Variants in PARD3 observed in about 807,000 individuals in gnomAD.
PARD3 encodes par-3 family cell polarity regulator.
Under a neutral mutation model 155.4 loss-of-function variants are expected in PARD3, and 75 were observed. The ratio of observed to expected loss-of-function variants is 0.48; its 90% CI spans 0.40 to 0.58. The LOEUF (loss-of-function observed/expected upper bound fraction) is 0.58. Ranked by LOEUF, PARD3 falls within the 20% of genes least tolerant of loss-of-function variation. PARD3 has a pLI of 0.00. For synonymous variants in PARD3, 576 were observed against 610.5 expected (o/e 0.94, Z 0.83); for missense variants, 1,642 against 1,721.7 (o/e 0.95, Z 0.82).
intron 2 of PARD3, among the ~76,000 whole-genome samples, chr10:34,521,317 T>C (rs1054903961): frequency 2.2e-5 from 3 of 136,640 alleles, no homozygotes; most frequent in Non-Finnish European, 3.1e-5. Context: ...GGGAAAGATA[T>C]ATAATTTTAG....
At chr10:34,501,229 T>G (rs991825971) in intron 3 of PARD3, among the ~76,000 whole-genome samples, 2 of 152,172 alleles carry the variant, frequency 1.3e-5, no homozygotes, top group African/African-American at 4.8e-5. Flanking sequence ...GTCTGAATCC[T>G]GGGGACGATT....
chr10:34,695,798 C>T (rs573160256), intron 2 of PARD3, among the ~76,000 whole-genome samples: 1 of 151,524 alleles, frequency 6.6e-6, no homozygotes, highest in South Asian at 2.1e-4. Context: ...AATGGCCCAT[C>T]GCACAGCAAG....
chr10:34,427,427 T>C (rs549439432), intron 5 of PARD3, among the ~76,000 whole-genome samples: 16 of 152,208 alleles, frequency 1.1e-4, no homozygotes, highest in Non-Finnish European at 2.1e-4. Context: ...CTAGGCTTGC[T>C]AGGATTAGGA....
At chr10:34,561,160 G>A (rs2085438075) in intron 2 of PARD3, among the ~76,000 whole-genome samples, 1 of 152,142 alleles carries the variant, frequency 6.6e-6, no homozygotes, top group African/African-American at 2.4e-5. Context: ...CTAATCTTGA[G>A]GGGTGTGAGG....
At chr10:34,488,701 C>A in intron 3 of PARD3, 1 of 153,774 alleles carries the variant, frequency 6.5e-6, no homozygotes, top group South Asian at 2.0e-4. Context: ...GGGCTGTGGC[C>A]ATGCACTTTG....
chr10:34,279,446 T>G (rs1038206241), intron 21 of PARD3, among the ~76,000 whole-genome samples: 4 of 152,142 alleles, frequency 2.6e-5, no homozygotes, highest in African/African-American at 7.2e-5. Flanking sequence ...TAGAATTGAC[T>G]TTTCTAAAGG....
chr10:34,740,953 C>T (rs75571008), intron 1 of PARD3, among the ~76,000 whole-genome samples: 2,698 of 152,036 alleles, frequency 0.018, 89 homozygotes, highest in African/African-American at 0.061. Flanking sequence ...ATAACTAACT[C>T]GAGTTCAACT....
intron 24 of PARD3, among the ~76,000 whole-genome samples, chr10:34,114,615 G>T (rs927591273): frequency 6.6e-6 from 1 of 152,184 alleles, no homozygotes. Context: ...ATAGTCCTGG[G>T]ATTACAGGCA....
In PARD3 at chr10:34,340,560, G is replaced by T. The variant is rs527902454; in HGVS notation, c.2408+1067C>A. 8.8e-4 allele frequency among the ~76,000 whole-genome samples: 134 copies of T among 152,232 alleles called. 3 individuals are homozygous for T. The highest frequency in any genetic ancestry group is 3.7e-3 in the South Asian group (18 of 4,822). On this transcript the variant is annotated intron_variant, in intron 16 of 24. Coordinates refer to ENST00000374788, the MANE Select transcript of PARD3 (RefSeq NM_001184785.2). ...GAATTTAAAAAGAAAGAAATGAAAA[G>T]CTAGAGATGAACTTTTCAAGGTCCC... is the stretch of plus-strand genomic sequence containing the variant.
rs549234413 is a variant in PARD3, at chr10:34,545,314, G to A, written c.223-28155C>T. Among the ~76,000 whole-genome samples, 3 of 152,266 alleles carry A rather than the reference G, an allele frequency of 2.0e-5. No individual in the cohort carries two copies. In the South Asian group the frequency reaches 6.2e-4, roughly 32 times the overall value. Reference sequence around the variant, plus strand: ...CTAAAGAGCAAGGTCAGATGGTTAAGAACTTAACAGATAACCTGGGAGTAG... The same window carrying A: ...CTAAAGAGCAAGGTCAGATGGTTAAAAACTTAACAGATAACCTGGGAGTAG... On this transcript the variant is annotated intron_variant, in intron 2 of 24. Transcript: ENST00000374788.
At chr10:34,753,860 C>T (rs540610952) in intron 1 of PARD3, among the ~76,000 whole-genome samples, 1 of 152,158 alleles carries the variant, frequency 6.6e-6, no homozygotes, top group African/African-American at 2.4e-5. Context: ...AGGGAAAGGA[C>T]AAGGGAGAAC....
chr10:34,616,985 G>T (rs1416080513), intron 2 of PARD3, among the ~76,000 whole-genome samples: 1 of 151,660 alleles, frequency 6.6e-6, no homozygotes, highest in Non-Finnish European at 1.5e-5. Flanking sequence ...GCCGGGGGCG[G>T]TGGCTCACAC....
At chr10:34,483,385 G>A (rs1021733766) in intron 3 of PARD3, among the ~76,000 whole-genome samples, 2 of 151,430 alleles carry the variant, frequency 1.3e-5, no homozygotes, top group African/African-American at 2.4e-5. Flanking sequence ...TGGAAGATGA[G>A]GCAGGATAAT....
rs1158903844 is a variant in PARD3 at position 34,605,566 on chromosome 10, ATATATATATCTCC to A, written c.223-88420_223-88408del. ...ATATATATATATATATCTCCTATAT[ATATATATATCTCC>A]TATATATATCTCCTATATATATATA... On this transcript the variant is annotated intron_variant, in intron 2 of 24. Transcript: ENST00000374788. 2.2e-4 allele frequency among the ~76,000 whole-genome samples: 14 copies of A among 63,428 alleles called. 2 individuals are homozygous for A. Among genetic ancestry groups the A allele is most frequent in the African/African-American group, 1.6e-3 (11 of 6,688 alleles). The allele number at this position is 63,428 out of a possible 152,430, so 41.6% of individuals were successfully genotyped here. A position where few individuals can be genotyped will look rare whatever the true frequency, so the allele number is the denominator to read the frequency against.
rs570048266 is a variant in PARD3, at chr10:34,399,428, T to C, written c.807-15A>G. On this transcript the variant is annotated splice_polypyrimidine_tract_variant and intron_variant, in intron 6 of 24. Transcript: ENST00000374788. ...TTACCATATCACTGTGAGACAATGA[T>C]GAATGAGGGAGCATGAACGTGTACT... The C allele has an allele frequency of 1.3e-6, 2 of 1,552,718 alleles. No homozygotes were observed. Among genetic ancestry groups the C allele is most frequent in the Non-Finnish European group, 1.8e-6 (2 of 1,124,256 alleles).
intron 2 of PARD3, among the ~76,000 whole-genome samples, chr10:34,670,203 G>A (rs1020161348): frequency 5.9e-5 from 9 of 152,324 alleles, no homozygotes; most frequent in African/African-American, 1.9e-4. Flanking sequence ...CCATGCACAC[G>A]CACCTCTGTG....
intron 20 of PARD3, among the ~76,000 whole-genome samples, chr10:34,309,101 T>C (rs765359579): frequency 1.3e-5 from 2 of 151,866 alleles, no homozygotes; most frequent in Non-Finnish European, 1.5e-5. Flanking sequence ...TGAAGCAAGT[T>C]CAAGAGAGAA....
At chr10:34,310,374 T>C (rs1300550809) in intron 20 of PARD3, among the ~76,000 whole-genome samples, 1 of 152,196 alleles carries the variant, frequency 6.6e-6, no homozygotes, top group East Asian at 1.9e-4. Context: ...AGAAAAAAGA[T>C]TCCATTTTCC....
chr10:34,346,382 G>C, intron 15 of PARD3: 1 of 1,325,354 alleles, frequency 7.5e-7, no homozygotes, highest in Non-Finnish European at 1.0e-6. Context: ...TCAGGGATTG[G>C]AGGCAGGACG....
Sources: allele counts gnomAD v4.1 joint callset (sites outside exome capture counted in the v4.1 genomes callset), GRCh38; gene constraint gnomAD v4.1.1; transcripts MANE v1.5; gene names NCBI Gene and HGNC (gene_info 2026-07-23, HGNC 2026-07-21).